Variants in PCDH15 observed in about 807,000 individuals in gnomAD.
PCDH15 encodes protocadherin-15.
Under a neutral mutation model 178.5 loss-of-function variants are expected in PCDH15, and 129 were observed. The observed-to-expected ratio is 0.72, with a 90% CI of 0.63 to 0.84. The LOEUF is 0.84. Ranked by LOEUF, PCDH15 falls within the 40% of genes least tolerant of loss-of-function variation. The pLI, the probability that PCDH15 is intolerant of heterozygous loss-of-function variation, is 0.00. For missense variants in PCDH15, 2,230 were observed against 2,099.9 expected, an observed-to-expected ratio of 1.06 and a Z score of -1.21; for synonymous variants, 800 against 732.0, an observed-to-expected ratio of 1.09 and a Z score of -1.50.
chr10:55,444,301 A>C (rs1443858066), intron 2 of PCDH15, among the ~76,000 whole-genome samples: 1 of 151,874 alleles, frequency 6.6e-6, no homozygotes, highest in Admixed American at 6.6e-5. Flanking sequence ...AAAAAAGAAA[A>C]CAAGAGTGCT....
Position 54,317,354 on chromosome 10 carries a change from A to C in PCDH15, c.793T>G (p.Phe265Val), listed in dbSNP as rs2061340899. The C allele has an allele frequency of 1.9e-6, 3 of 1,613,992 alleles. No individual in the cohort carries two copies. The East Asian group carries it at 6.7e-5, about 36-fold the overall frequency. ...VLDGDDLGPM[F>V]LPCVLVPNTR... The stretch of plus-strand genomic sequence containing the variant: ...TTTGGCACAAGGACACAAGGAAGAA[A>C]CATTGGACCCAAGTCATCTCCATCC... The change falls in exon 8 of 38, where the codon TTT (phenylalanine) becomes GTT (valine). Residue 265 changes from phenylalanine (F) to valine (V), a missense_variant. Transcript: ENST00000644397.
chr10:55,529,174 G>A (rs560153998), intron 2 of PCDH15, among the ~76,000 whole-genome samples: 217 of 152,154 alleles, frequency 1.4e-3, no homozygotes, highest in African/African-American at 4.7e-3. Context: ...CCATTCTGTA[G>A]GTTTCCTGCT....
chr10:53,937,454 T>G (rs967034067), intron 25 of PCDH15, among the ~76,000 whole-genome samples: 2 of 152,194 alleles, frequency 1.3e-5, no homozygotes, highest in African/African-American at 4.8e-5. Context: ...GGAAGCATCC[T>G]CTATATTTTT....
At chr10:54,666,075 A>C (rs1691604295) in intron 1 of PCDH15, among the ~76,000 whole-genome samples, 2 of 152,028 alleles carry the variant, frequency 1.3e-5, no homozygotes, top group African/African-American at 4.8e-5. Flanking sequence ...ACCTCATAAG[A>C]TTGTCTTAAA....
At chr10:55,428,760 C>T (rs1434410043) in intron 2 of PCDH15, among the ~76,000 whole-genome samples, 2 of 151,682 alleles carry the variant, frequency 1.3e-5, no homozygotes, top group Non-Finnish European at 1.5e-5. Context: ...TATTTGTTTC[C>T]TATTAAAATA....
intron 2 of PCDH15, among the ~76,000 whole-genome samples, chr10:55,541,570 T>C (rs1841760428): frequency 6.6e-6 from 1 of 151,956 alleles, no homozygotes; most frequent in South Asian, 2.1e-4. Flanking sequence ...ATTTATATTA[T>C]TCTTTAGAAA....
chr10:53,861,919 T>C (rs2079130470), intron 27 of PCDH15, among the ~76,000 whole-genome samples: 1 of 152,098 alleles, frequency 6.6e-6, no homozygotes, highest in Non-Finnish European at 1.5e-5. Context: ...TTTTATTAAA[T>C]AAAAGAGGTG....
At chr10:55,072,331 C>G (rs1190644294) in intron 2 of PCDH15, among the ~76,000 whole-genome samples, 1 of 151,872 alleles carries the variant, frequency 6.6e-6, no homozygotes, top group Non-Finnish European at 1.5e-5. Context: ...AAAGGATCAA[C>G]AAAATTGATA....
chr10:54,622,521 T>C (rs1318008299), intron 2 of PCDH15, among the ~76,000 whole-genome samples: 1 of 103,974 alleles, frequency 9.6e-6, no homozygotes, highest in African/African-American at 3.3e-5. Flanking sequence ...TAAATATTTC[T>C]TCTCATTATT....
intron 8 of PCDH15, among the ~76,000 whole-genome samples, chr10:54,258,758 AT>A (rs1247711359): frequency 6.6e-6 from 1 of 152,184 alleles, no homozygotes; most frequent in Non-Finnish European, 1.5e-5. Flanking sequence ...GAGGGAAAAT[AT>A]TTTTTTCAAT....
At chr10:53,817,078 T>G (rs928134415) in intron 34 of PCDH15, among the ~76,000 whole-genome samples, 1 of 152,200 alleles carries the variant, frequency 6.6e-6, no homozygotes, top group Non-Finnish European at 1.5e-5. Context: ...TGGGAGGTAA[T>G]TCCATCATTG....
chr10:55,218,399 G>T (rs559561589), intron 1 of PCDH15, among the ~76,000 whole-genome samples: 2 of 151,904 alleles, frequency 1.3e-5, no homozygotes, highest in Non-Finnish European at 2.9e-5. Flanking sequence ...ATATGAATGA[G>T]GAAAAGCAAT....
chr10:54,631,717 C>T (rs1390595162), intron 2 of PCDH15, among the ~76,000 whole-genome samples: 3 of 152,100 alleles, frequency 2.0e-5, no homozygotes, highest in Non-Finnish European at 4.4e-5. Flanking sequence ...GTTTAATTAA[C>T]TCACAATTCA....
chr10:54,522,727 A>C (rs7358118), intron 3 of PCDH15, among the ~76,000 whole-genome samples: 2,975 of 152,254 alleles, frequency 0.02, 105 homozygotes, highest in African/African-American at 0.067. Context: ...TACCTTGAAG[A>C]AATAACTAAG....
chr10:55,597,177 A>G (rs1842952145), intron 2 of PCDH15: 7 of 152,194 alleles, frequency 4.6e-5, no homozygotes, highest in Admixed American at 4.6e-4. Flanking sequence ...ATTCTGAGTC[A>G]ACATACCCAA....
chr10:55,375,264 A>T (rs1257323191), intron 2 of PCDH15, among the ~76,000 whole-genome samples: 4 of 152,112 alleles, frequency 2.6e-5, no homozygotes, highest in Admixed American at 6.6e-5. Context: ...AAATTTCTTT[A>T]AGGAAAACTT....
chr10:53,851,372 C>G (rs1480662210), intron 28 of PCDH15, among the ~76,000 whole-genome samples: 1 of 151,766 alleles, frequency 6.6e-6, no homozygotes, highest in Non-Finnish European at 1.5e-5. Flanking sequence ...GCAGCAGGGA[C>G]TTCACACTGT....
intron 3 of PCDH15, among the ~76,000 whole-genome samples, chr10:54,521,609 T>C (rs1263256584): frequency 6.6e-6 from 1 of 152,162 alleles, no homozygotes; most frequent in Non-Finnish European, 1.5e-5. Flanking sequence ...TTAATTTTGA[T>C]GGTACCACAC....
At chr10:54,378,342 A>T (rs1188538153) in intron 4 of PCDH15, among the ~76,000 whole-genome samples, 1 of 151,882 alleles carries the variant, frequency 6.6e-6, no homozygotes, top group East Asian at 1.9e-4. Context: ...TATGTAAGAC[A>T]TTTCCACAGT....
Sources: gnomAD v4.1 joint callset for allele counts (sites outside exome capture counted in the v4.1 genomes callset) on GRCh38, gnomAD v4.1.1 for gene constraint, MANE v1.5 for transcripts, NCBI Gene and HGNC (gene_info 2026-07-23, HGNC 2026-07-21) for gene names.